The following PCDHA11 variants were observed in gnomAD, a reference collection of about 807,000 sequenced individuals.
PCDHA11 encodes protocadherin alpha-11.
In PCDHA11, 61 loss-of-function variants were observed where a neutral mutation model predicts 70.3. The ratio of observed to expected loss-of-function variants is 0.87; its 90% CI spans 0.71 to 1.07. PCDHA11 has a LOEUF of 1.07. PCDHA11 is among the 50% of genes least tolerant of loss of function. The pLI, the probability that PCDHA11 is intolerant of heterozygous loss-of-function variation, is 0.00. For missense variants in PCDHA11, 1,324 were observed against 1,237.5 expected (o/e 1.07, Z -1.05); for synonymous variants, 633 against 555.1 (o/e 1.14, Z -1.97).
At chr5:140,882,252 G>C (rs782433822) in intron 1 of PCDHA11, 1 of 1,597,600 alleles carries the variant, frequency 6.3e-7, no homozygotes, top group Non-Finnish European at 8.5e-7. Context: ...ATAGCTCTGA[G>C]GTTTTTGGAG....
Position 140,870,925 on chromosome 5 carries a change from T to C in PCDHA11, c.1822T>C (p.Tyr608His), listed in dbSNP as rs1554164841. 8 of 1,613,916 alleles carry C rather than the reference T, an allele frequency of 5.0e-6. No homozygotes were observed. In the Admixed American group the frequency reaches 8.3e-5, roughly 17 times the overall value. The change falls in exon 1 of 4, where the codon TAT becomes CAT. Residue 608 changes from tyrosine (Y) to histidine (H), a missense_variant. Transcript: ENST00000398640. Reference protein sequence around the residue: ...ADSGYNAWLSYELQPAAGGSR... With the variant: ...ADSGYNAWLSHELQPAAGGSR... Reference sequence around the variant, plus strand: ...CTCAGGCTACAACGCGTGGCTTTCATATGAATTGCAGCCGGCGGCGGGCGG... The same window carrying C: ...CTCAGGCTACAACGCGTGGCTTTCACATGAATTGCAGCCGGCGGCGGGCGG...
rs149795080 is a variant in PCDHA11 at position 140,995,000 on chromosome 5, T to C, written c.2539+12437T>C. Among the ~76,000 whole-genome samples the C allele has an allele frequency of 1.7e-3, 261 of 152,326 alleles. 1 individual carries two copies. The highest frequency in any genetic ancestry group is 6.1e-3 in the African/African-American group (253 of 41,578). ...GAGACCCACTAGAAGGTTAGTTGGTTTGTTTATATTTAGGAAAGAAGATTC... is the reference window on the plus strand; with the variant it reads ...GAGACCCACTAGAAGGTTAGTTGGTCTGTTTATATTTAGGAAAGAAGATTC... On this transcript the variant is annotated intron_variant, in intron 3 of 3. Transcript: ENST00000398640.
intron 1 of PCDHA11, among the ~76,000 whole-genome samples, chr5:140,899,610 A>G (rs2067438350): frequency 6.6e-6 from 1 of 152,164 alleles, no homozygotes; most frequent in Admixed American, 6.5e-5. Flanking sequence ...TTTTGCATCA[A>G]TGTTCATCAA....
At chr5:140,876,625 G>A (rs2056468121) in intron 1 of PCDHA11, 1 of 1,614,192 alleles carries the variant, frequency 6.2e-7, no homozygotes. Context: ...CAATGGACAG[G>A]TCATCTGCTC....
chr5:140,901,493 G>A (rs1407022584), intron 1 of PCDHA11, among the ~76,000 whole-genome samples: 7 of 152,016 alleles, frequency 4.6e-5, no homozygotes, highest in Admixed American at 3.9e-4. Flanking sequence ...CACCTTCATC[G>A]AAAATGAGTT....
chr5:140,926,914 G>A (rs1563085125), intron 1 of PCDHA11: 7 of 1,565,570 alleles, frequency 4.5e-6, no homozygotes, highest in African/African-American at 1.4e-5. Context: ...TGGGGTGGCA[G>A]TTTTATGTTT....
chr5:140,981,794 T>G (rs1290588653), intron 2 of PCDHA11, among the ~76,000 whole-genome samples: 2 of 152,150 alleles, frequency 1.3e-5, no homozygotes, highest in Non-Finnish European at 2.9e-5. Flanking sequence ...CTCTTTTCCC[T>G]TGAACAGTTT....
At chr5:140,920,199 C>G (rs2079510871) in intron 1 of PCDHA11, among the ~76,000 whole-genome samples, 1 of 152,116 alleles carries the variant, frequency 6.6e-6, no homozygotes, top group African/African-American at 2.4e-5. Flanking sequence ...GTCACAGCAG[C>G]CACAGAAAAC....
At chr5:140,928,610 C>T (rs935238036) in intron 1 of PCDHA11, 1 of 1,614,254 alleles carries the variant, frequency 6.2e-7, no homozygotes, top group Non-Finnish European at 8.5e-7. Flanking sequence ...GTGCCCCGCT[C>T]TGCCAGGACT....
chr5:140,904,714 C>T (rs1306730472), intron 1 of PCDHA11, among the ~76,000 whole-genome samples: 1 of 152,110 alleles, frequency 6.6e-6, no homozygotes, highest in African/African-American at 2.4e-5. Flanking sequence ...TCACCACATT[C>T]TGGCCAACAT....
At chr5:140,915,069 C>T (rs2076962975) in intron 1 of PCDHA11, among the ~76,000 whole-genome samples, 2 of 151,484 alleles carry the variant, frequency 1.3e-5, no homozygotes, top group Admixed American at 6.6e-5. Flanking sequence ...CCTTAGCCTA[C>T]TGAGTAGCTG....
intron 1 of PCDHA11, among the ~76,000 whole-genome samples, chr5:140,922,817 G>A (rs1554200973): frequency 1.3e-5 from 2 of 152,218 alleles, no homozygotes; most frequent in Non-Finnish European, 2.9e-5. Context: ...AGGAGATACA[G>A]CATACTGCTA....
chr5:140,979,110 C>A, intron 2 of PCDHA11, 103 bp downstream of exon 2: 1 of 1,515,726 alleles, frequency 6.6e-7, no homozygotes, highest in East Asian at 2.3e-5. Flanking sequence ...AACTAAAAAG[C>A]TTTAGGTACT....
At chr5:140,902,189 C>T (rs2069172292) in intron 1 of PCDHA11, among the ~76,000 whole-genome samples, 1 of 145,890 alleles carries the variant, frequency 6.9e-6, no homozygotes, top group African/African-American at 2.6e-5. Flanking sequence ...TATGTCTTCT[C>T]TCTCTCTCTC....
chr5:140,882,818 A>G, intron 1 of PCDHA11: 1 of 1,614,226 alleles, frequency 6.2e-7, no homozygotes, highest in Non-Finnish European at 8.5e-7. Flanking sequence ...GGACGCACAA[A>G]ACAGTCTTGA....
chr5:140,900,840 T>A (rs6874218), intron 1 of PCDHA11, among the ~76,000 whole-genome samples: 3 of 151,950 alleles, frequency 2.0e-5, no homozygotes, highest in Non-Finnish European at 4.4e-5. Context: ...ATGTACAAAG[T>A]TTCCCTTTTT....
chr5:140,995,180 A>C (rs1014057978), intron 3 of PCDHA11, among the ~76,000 whole-genome samples: 4 of 152,190 alleles, frequency 2.6e-5, no homozygotes, highest in African/African-American at 9.7e-5. Context: ...AGGTGCACCT[A>C]TGATAAAGTT....
intron 1 of PCDHA11, among the ~76,000 whole-genome samples, chr5:140,880,522 T>C (rs2058372712): frequency 6.6e-6 from 1 of 152,232 alleles, no homozygotes; most frequent in South Asian, 2.1e-4. Flanking sequence ...CATCTCTCAA[T>C]GTGTGAATCA....
Position 140,995,742 on chromosome 5 carries a change from A to G in PCDHA11, c.2539+13179A>G, listed in dbSNP as rs1354360972. Among the ~76,000 whole-genome samples the G allele has an allele frequency of 7.2e-5, 11 of 152,280 alleles. No individual in the cohort carries two copies. In the East Asian group the frequency reaches 2.1e-3, roughly 29 times the overall value. On this transcript the variant is annotated intron_variant, in intron 3 of 3. Coordinates refer to ENST00000398640, the MANE Select transcript of PCDHA11 (RefSeq NM_018902.5). Reference sequence around the variant, plus strand: ...CTTAGGTAATCCTGGTGGATTTGGTATATCATGTCTGAGAAAATGTGGAGA... The same window carrying G: ...CTTAGGTAATCCTGGTGGATTTGGTGTATCATGTCTGAGAAAATGTGGAGA...
Sources: allele counts gnomAD v4.1 joint callset (sites outside exome capture counted in the v4.1 genomes callset), GRCh38; gene constraint gnomAD v4.1.1; transcripts MANE v1.5; gene names NCBI Gene and HGNC (gene_info 2026-07-23, HGNC 2026-07-21).